TCF12: variants seen among roughly 807,000 people sequenced by gnomAD.
TCF12 encodes DNA-binding protein HTF4.
TCF12 carries 45 observed loss-of-function variants against 86.0 expected under a neutral mutation model. That is an observed-to-expected ratio of 0.52 (90% confidence interval 0.41 to 0.67). The LOEUF (loss-of-function observed/expected upper bound fraction) is 0.67, where lower values mean the gene tolerates loss of function less well. Ranked by LOEUF, TCF12 falls within the 30% of genes least tolerant of loss-of-function variation. The probability of loss-of-function intolerance (pLI) is 0.00; values close to 1 mark genes in which losing one functional copy is unlikely to be tolerated. For missense variants in TCF12, 881 were observed against 859.9 expected, an observed-to-expected ratio of 1.02 and a Z score of -0.31; for synonymous variants, 330 against 299.6, an observed-to-expected ratio of 1.10 and a Z score of -1.05.
chr15:57,214,218 CA>C (rs2058239476), intron 8 of TCF12: 1 of 152,172 alleles, frequency 6.6e-6, no homozygotes, highest in Admixed American at 6.5e-5. Context: ...AAGAAACGTG[CA>C]ATTTGCTTCA....
chr15:57,111,375 A>T (rs192782238), intron 5 of TCF12, among the ~76,000 whole-genome samples: 20 of 152,000 alleles, frequency 1.3e-4, no homozygotes, highest in African/African-American at 4.8e-4. Context: ...TCTCTCTAAG[A>T]CCTAAGCAAG....
intron 8 of TCF12, among the ~76,000 whole-genome samples, chr15:57,205,616 T>C (rs964058124): frequency 1.3e-5 from 2 of 152,254 alleles, no homozygotes; most frequent in Non-Finnish European, 2.9e-5. Flanking sequence ...CAGGTCAGAC[T>C]AGCAGAAAAA....
chr15:57,024,359 G>C (rs759247447), intron 3 of TCF12, among the ~76,000 whole-genome samples: 3 of 151,430 alleles, frequency 2.0e-5, no homozygotes, highest in Non-Finnish European at 4.4e-5. Context: ...GATTACAGGC[G>C]CCCGCCACCA....
Position 57,199,635 on chromosome 15 carries a change from A to C in TCF12, c.579+1810A>C, listed in dbSNP as rs113436513. Among the ~76,000 whole-genome samples, 38 of 152,286 alleles carry C rather than the reference A, an allele frequency of 2.5e-4. 4 individuals carry two copies. The highest frequency in any genetic ancestry group is 9.1e-4 in the African/African-American group (38 of 41,568). The stretch of plus-strand genomic sequence containing the variant: ...ATTCGTAATCGTAATAACATTCATT[A>C]CTTGGAGGTAGTAGTTCTCTGTATT... On this transcript the variant is annotated intron_variant, in intron 8 of 20. Transcript: ENST00000333725.
chr15:56,967,120 C>G (rs1006748111), intron 3 of TCF12, among the ~76,000 whole-genome samples: 10 of 146,066 alleles, frequency 6.8e-5, no homozygotes, highest in African/African-American at 1.3e-4. Context: ...AGACTCGGTC[C>G]CCCCGTGCCC....
At chr15:57,019,910 G>T (rs1596149644) in intron 3 of TCF12, among the ~76,000 whole-genome samples, 3 of 151,806 alleles carry the variant, frequency 2.0e-5, no homozygotes, top group Admixed American at 6.6e-5. Flanking sequence ...GCAAGGAGGG[G>T]GATTAGTTTT....
intron 3 of TCF12, among the ~76,000 whole-genome samples, chr15:56,940,758 TCC>T (rs2140349497): frequency 7.9e-6 from 1 of 127,198 alleles, no homozygotes. Flanking sequence ...CTTCTCCTTC[TCC>T]TTCTCCTTCT....
chr15:57,236,713 C>T (rs2059394671), intron 12 of TCF12, among the ~76,000 whole-genome samples: 1 of 151,990 alleles, frequency 6.6e-6, no homozygotes, highest in Non-Finnish European at 1.5e-5. Flanking sequence ...GCAAAGGTTC[C>T]TTTATTTTAG....
At chr15:57,079,986 A>G (rs952928161) in intron 4 of TCF12, among the ~76,000 whole-genome samples, 1 of 152,226 alleles carries the variant, frequency 6.6e-6, no homozygotes, top group Admixed American at 6.5e-5. Context: ...ACGCTTTCTC[A>G]AATTAAAACA....
intron 8 of TCF12, chr15:57,214,045 C>T (rs1164789670): frequency 6.6e-6 from 1 of 152,104 alleles, no homozygotes; most frequent in African/African-American, 2.4e-5. Context: ...TAATGATTCT[C>T]TTACTGTGTT....
intron 12 of TCF12, among the ~76,000 whole-genome samples, chr15:57,234,974 G>C (rs539757294): frequency 6.6e-6 from 1 of 152,176 alleles, no homozygotes; most frequent in Non-Finnish European, 1.5e-5. Context: ...GGCAGAGCAC[G>C]TTAATACCTG....
intron 3 of TCF12, among the ~76,000 whole-genome samples, chr15:57,059,740 C>A (rs576342308): frequency 0.015 from 200 of 13,632 alleles, no homozygotes; most frequent in Admixed American, 0.027. Context: ...TGGTGGGGGG[C>A]TGGGGGGAGG....
chr15:57,223,643 G>GTTTTTTTTTTTTTT (rs550493641), intron 8 of TCF12, among the ~76,000 whole-genome samples: 1,559 of 69,578 alleles, frequency 0.022, 329 homozygotes, highest in Non-Finnish European at 0.033. Context: ...TACCAATGAG[G>GTTTTTTTTTTTTTT]TTTTTTTTTT....
intron 8 of TCF12, among the ~76,000 whole-genome samples, chr15:57,211,978 AC>A (rs1352866886): frequency 1.0e-3 from 5 of 4,938 alleles, no homozygotes; most frequent in Admixed American, 3.6e-3. Context: ...ACACACACAC[AC>A]CACACACACA....
chr15:57,250,722 C>T (rs2060070652), intron 13 of TCF12, among the ~76,000 whole-genome samples: 1 of 149,416 alleles, frequency 6.7e-6, no homozygotes, highest in Non-Finnish European at 1.5e-5. Context: ...GAGCAAGATG[C>T]CATCTCAAAA....
At chr15:57,229,765 A>G (rs2059046828) in intron 8 of TCF12, among the ~76,000 whole-genome samples, 1 of 151,906 alleles carries the variant, frequency 6.6e-6, no homozygotes, top group African/African-American at 2.4e-5. Flanking sequence ...CATTTTATAT[A>G]TAATTTCATC....
intron 6 of TCF12, among the ~76,000 whole-genome samples, chr15:57,169,309 A>G (rs1407862517): frequency 3.3e-5 from 5 of 152,182 alleles, no homozygotes; most frequent in African/African-American, 1.2e-4. Flanking sequence ...CCTCATAACC[A>G]TAACAAATTT....
At chr15:57,135,535 A>G (rs1450757298) in intron 5 of TCF12, among the ~76,000 whole-genome samples, 1 of 152,240 alleles carries the variant, frequency 6.6e-6, no homozygotes, top group East Asian at 1.9e-4. Flanking sequence ...GTTTGTAGAC[A>G]TAAATGATCA....
At chr15:56,925,781 G>A in intron 3 of TCF12, among the ~76,000 whole-genome samples, 1 of 152,318 alleles carries the variant, frequency 6.6e-6, no homozygotes, top group Middle Eastern at 3.4e-3. Context: ...TCACTTGAAA[G>A]TATGTTTATG....
Sources: allele counts gnomAD v4.1 joint callset (sites outside exome capture counted in the v4.1 genomes callset), GRCh38; gene constraint gnomAD v4.1.1; transcripts MANE v1.5; gene names NCBI Gene and HGNC (gene_info 2026-07-23, HGNC 2026-07-21).